The following PALLD variants were observed in gnomAD, a reference collection of about 807,000 sequenced individuals.
PALLD encodes the protein palladin, cytoskeletal associated protein.
PALLD carries 61 observed loss-of-function variants against 123.5 expected under a neutral mutation model. That is an observed-to-expected ratio of 0.49 (90% CI 0.40 to 0.61). The LOEUF (loss-of-function observed/expected upper bound fraction) is 0.61. Among genes scored for constraint, PALLD ranks in the 20% least tolerant of loss-of-function variants. The pLI is 0.00. For synonymous variants in PALLD, 465 were observed against 496.4 expected, an observed-to-expected ratio of 0.94 and a Z score of 0.84; for missense variants, 1,273 against 1,377.0, an observed-to-expected ratio of 0.92 and a Z score of 1.20.
At chr4:168,641,704 T>G (rs1776966275) in intron 2 of PALLD, among the ~76,000 whole-genome samples, 1 of 152,184 alleles carries the variant, frequency 6.6e-6, no homozygotes, top group Non-Finnish European at 1.5e-5. Context: ...CCTTTCCAGA[T>G]GCCGCTGTAA....
intron 10 of PALLD, among the ~76,000 whole-genome samples, chr4:168,821,252 A>T (rs1284504201): frequency 6.6e-6 from 1 of 152,230 alleles, no homozygotes; most frequent in Non-Finnish European, 1.5e-5. Flanking sequence ...TTAAATTTGC[A>T]TGTGTGAAAG....
chr4:168,859,207 C>T (rs1487386177), intron 10 of PALLD, among the ~76,000 whole-genome samples: 6 of 152,232 alleles, frequency 3.9e-5, no homozygotes, highest in Non-Finnish European at 8.8e-5. Context: ...CTGCTATCTT[C>T]TGCCTTTTAC....
chr4:168,749,454 C>T (rs1730746086), intron 10 of PALLD, among the ~76,000 whole-genome samples: 1 of 151,690 alleles, frequency 6.6e-6, no homozygotes, highest in Non-Finnish European at 1.5e-5. Flanking sequence ...CGCCTGTAAT[C>T]TCAACACTTT....
intron 10 of PALLD, among the ~76,000 whole-genome samples, chr4:168,716,196 T>C (rs1423079965): frequency 6.6e-6 from 1 of 152,102 alleles, no homozygotes; most frequent in Admixed American, 6.5e-5. Context: ...GGGAGAAAGG[T>C]AGGACTCTAA....
Position 168,926,785 on chromosome 4 carries a change from C to G in PALLD, c.*605C>G. 4.1e-6 allele frequency: 1 copy of G among 241,330 alleles called. No individual in the cohort carries two copies. Among genetic ancestry groups the G allele is most frequent in the Non-Finnish European group, 8.1e-6 (1 of 122,956 alleles). The allele number at this position is 241,330 out of a possible 1,614,324, so 14.9% of individuals were successfully genotyped here. ...TTTAATGAGGGAGTTGTACCACAAA[C>G]AGTACTACAATGATTCTGAAGCACA... On this transcript the variant is annotated 3_prime_UTR_variant, in exon 22 of 22. Coordinates refer to ENST00000505667, the MANE Select transcript of PALLD (RefSeq NM_001166108.2).
chr4:168,831,903 C>T, intron 10 of PALLD: 1 of 646,688 alleles, frequency 1.5e-6, no homozygotes, highest in Non-Finnish European at 1.9e-6. Flanking sequence ...AAGGGCGGGA[C>T]AAGGTTACGA....
At chr4:168,595,687 G>C (rs1004445250) in intron 2 of PALLD, among the ~76,000 whole-genome samples, 1 of 152,132 alleles carries the variant, frequency 6.6e-6, no homozygotes, top group Non-Finnish European at 1.5e-5. Flanking sequence ...GCTCTTCAAA[G>C]TGAATATGGT....
intron 2 of PALLD, chr4:168,598,755 C>A: frequency 4.9e-6 from 2 of 406,264 alleles, no homozygotes; most frequent in Non-Finnish European, 1.0e-5. Context: ...GTTTGGCTAA[C>A]TTTCTTGATT....
chr4:168,727,096 T>G (rs915524614), intron 10 of PALLD, among the ~76,000 whole-genome samples: 1 of 152,260 alleles, frequency 6.6e-6, no homozygotes, highest in African/African-American at 2.4e-5. Flanking sequence ...ATGATGTATA[T>G]GTACCACATT....
intron 10 of PALLD, among the ~76,000 whole-genome samples, chr4:168,871,215 A>G (rs1208346687): frequency 1.3e-5 from 2 of 152,200 alleles, no homozygotes; most frequent in Admixed American, 1.3e-4. Flanking sequence ...GACACAAGGG[A>G]TGGCACCAGC....
chr4:168,925,153 C>T, intron 20 of PALLD, 75 bp downstream of exon 20: 1 of 1,585,238 alleles, frequency 6.3e-7, no homozygotes, highest in South Asian at 1.1e-5. Context: ...GACAGCAAAT[C>T]ACATTACTCT....
At chr4:168,686,440 T>C (rs1782056587) in intron 6 of PALLD, among the ~76,000 whole-genome samples, 1 of 152,162 alleles carries the variant, frequency 6.6e-6, no homozygotes, top group African/African-American at 2.4e-5. Context: ...TGTGTTCTCA[T>C]TGTTCAACTC....
chr4:168,711,390 G>T (rs556238591), intron 9 of PALLD, among the ~76,000 whole-genome samples, 191 bp from the exon 10 acceptor site: 1 of 152,198 alleles, frequency 6.6e-6, no homozygotes, highest in South Asian at 2.1e-4. Flanking sequence ...GGTAGCACTC[G>T]TTCAAAACAA....
intron 2 of PALLD, among the ~76,000 whole-genome samples, chr4:168,612,331 T>C (rs906417982): frequency 2.0e-5 from 3 of 151,690 alleles, no homozygotes; most frequent in Non-Finnish European, 4.4e-5. Context: ...GGAACTGATA[T>C]ATCACATCCC....
chr4:168,820,538 T>C (rs1373136083), intron 10 of PALLD, among the ~76,000 whole-genome samples: 1 of 152,152 alleles, frequency 6.6e-6, no homozygotes. Context: ...GTTATGCGTA[T>C]GGATACATAT....
At chr4:168,607,450 C>T (rs1182727271) in intron 2 of PALLD, among the ~76,000 whole-genome samples, 1 of 152,098 alleles carries the variant, frequency 6.6e-6, no homozygotes, top group Non-Finnish European at 1.5e-5. Flanking sequence ...TCGGTGTGAG[C>T]TTTTTTTCTG....
At chr4:168,572,367 A>G (rs148577565) in intron 2 of PALLD, among the ~76,000 whole-genome samples, 26 of 152,254 alleles carry the variant, frequency 1.7e-4, no homozygotes, top group African/African-American at 6.3e-4. Flanking sequence ...AGGCTCAAAC[A>G]GAACAGTTAT....
At chr4:168,650,726 A>C (rs1777955506) in intron 2 of PALLD, among the ~76,000 whole-genome samples, 1 of 152,036 alleles carries the variant, frequency 6.6e-6, no homozygotes, top group Non-Finnish European at 1.5e-5. Flanking sequence ...TTGTATTTTA[A>C]ATATCTTCAT....
chr4:168,732,103 C>T (rs926468613), intron 10 of PALLD, among the ~76,000 whole-genome samples: 3 of 152,186 alleles, frequency 2.0e-5, no homozygotes, highest in Non-Finnish European at 4.4e-5. Context: ...TAGGGAGATA[C>T]TTCTGAATTC....
Sources: allele counts gnomAD v4.1 joint callset (sites outside exome capture counted in the v4.1 genomes callset), GRCh38; gene constraint gnomAD v4.1.1; transcripts MANE v1.5; gene names NCBI Gene and HGNC (gene_info 2026-07-23, HGNC 2026-07-21).